Variants in KCNQ3 observed in about 807,000 individuals in gnomAD.
KCNQ3 encodes potassium voltage-gated channel subfamily Q member 3, also known as potassium voltage-gated channel subfamily KQT member 3.
KCNQ3 carries 30 observed loss-of-function variants against 92.5 expected under a neutral mutation model. That is an observed-to-expected ratio of 0.32 (90% CI 0.24 to 0.44). KCNQ3 has a LOEUF of 0.44. Among genes scored for constraint, KCNQ3 ranks in the 20% least tolerant of loss-of-function variants. KCNQ3 has a pLI of 1.00. For synonymous variants in KCNQ3, 450 were observed against 468.8 expected (o/e 0.96, Z 0.52); for missense variants, 913 against 1,140.3 (o/e 0.80, Z 2.87).
chr8:132,318,886 G>A (rs1817816908), intron 1 of KCNQ3, among the ~76,000 whole-genome samples: 1 of 152,214 alleles, frequency 6.6e-6, no homozygotes, highest in African/African-American at 2.4e-5. Flanking sequence ...TGACCTTGGA[G>A]AAGTACCTTG....
In KCNQ3 at chr8:132,403,016, C is replaced by CAAAAAAAAAAAAAAAAAAAAAAAAAAAA. The variant is rs375099145; in HGVS notation, c.386+77130_386+77131insTTTTTTTTTTTTTTTTTTTTTTTTTTTT. 5.3e-4 allele frequency among the ~76,000 whole-genome samples: 36 copies of CAAAAAAAAAAAAAAAAAAAAAAAAAAAA among 67,624 alleles called. 4 individuals are homozygous for CAAAAAAAAAAAAAAAAAAAAAAAAAAAA. The highest frequency in any genetic ancestry group is 6.0e-4 in the Non-Finnish European group (25 of 41,858). 44.4% of individuals were successfully genotyped at this position (67,624 alleles called of 152,430 possible). A position where few individuals can be genotyped will look rare whatever the true frequency, so the allele number is the denominator to read the frequency against. ...CTGGCAACAGGGCGAGGCACCATCA[C>CAAAAAAAAAAAAAAAAAAAAAAAAAAAA]AAAAAAAAAAAAAAAAGTGTCAATA... On this transcript the variant is annotated intron_variant, in intron 1 of 14. Coordinates refer to ENST00000388996, the MANE Select transcript of KCNQ3 (RefSeq NM_004519.4).
intron 1 of KCNQ3, among the ~76,000 whole-genome samples, chr8:132,405,810 G>A (rs2597338): frequency 0.56 from 84,380 of 151,970 alleles, 25,264 homozygotes; most frequent in South Asian, 0.73. Context: ...GCAGGAATGT[G>A]ACATTGCAAC....
At chr8:132,277,074 TAAAA>T (rs928334456) in intron 1 of KCNQ3, among the ~76,000 whole-genome samples, 1 of 148,046 alleles carries the variant, frequency 6.8e-6, no homozygotes, top group Non-Finnish European at 1.5e-5. Context: ...CAATAATTTT[TAAAA>T]AAAAAAAGGA....
chr8:132,219,226 C>A (rs1054550469), intron 1 of KCNQ3, among the ~76,000 whole-genome samples: 6 of 152,166 alleles, frequency 3.9e-5, no homozygotes, highest in African/African-American at 1.2e-4. Flanking sequence ...GATTTTGATT[C>A]AGCAGGTCTC....
intron 9 of KCNQ3, among the ~76,000 whole-genome samples, chr8:132,146,505 T>C (rs1042976017): frequency 4.6e-5 from 7 of 152,166 alleles, no homozygotes; most frequent in Non-Finnish European, 1.0e-4. Context: ...GAGCGTTGTT[T>C]AATAGAAATG....
At chr8:132,207,798 C>T (rs532334918) in intron 1 of KCNQ3, among the ~76,000 whole-genome samples, 2 of 151,818 alleles carry the variant, frequency 1.3e-5, no homozygotes, top group African/African-American at 4.8e-5. Context: ...AGATCTGAGT[C>T]CTGTGATGTT....
chr8:132,379,691 C>T (rs567815835), intron 1 of KCNQ3, among the ~76,000 whole-genome samples: 45 of 152,276 alleles, frequency 3.0e-4, no homozygotes, highest in African/African-American at 9.6e-4. Context: ...TCAAATAGAA[C>T]GTCCTTAATT....
At chr8:132,374,638 T>C (rs1819562397) in intron 1 of KCNQ3, among the ~76,000 whole-genome samples, 1 of 152,220 alleles carries the variant, frequency 6.6e-6, no homozygotes, top group African/African-American at 2.4e-5. Context: ...CTAAGTTTAG[T>C]ACCCAATACT....
chr8:132,185,871 G>A (rs548687928), intron 2 of KCNQ3, among the ~76,000 whole-genome samples: 1 of 152,258 alleles, frequency 6.6e-6, no homozygotes, highest in African/African-American at 2.4e-5. Context: ...TCTCTCTAAT[G>A]TGGAATAGCA....
At chr8:132,377,101 A>C (rs1409967709) in intron 1 of KCNQ3, among the ~76,000 whole-genome samples, 2 of 152,252 alleles carry the variant, frequency 1.3e-5, no homozygotes, top group Non-Finnish European at 2.9e-5. Context: ...GGATGTTTCC[A>C]GAAGAGATTA....
intron 1 of KCNQ3, among the ~76,000 whole-genome samples, chr8:132,445,132 A>T (rs1821641064): frequency 6.6e-6 from 1 of 152,178 alleles, no homozygotes; most frequent in Admixed American, 6.5e-5. Flanking sequence ...AGGCAAAAGG[A>T]CCAACTGGTG....
intron 1 of KCNQ3, among the ~76,000 whole-genome samples, chr8:132,466,219 A>G (rs1822169632): frequency 6.6e-6 from 1 of 152,188 alleles, no homozygotes; most frequent in African/African-American, 2.4e-5. Flanking sequence ...TAACTGAAAA[A>G]TTAATGAGGG....
intron 1 of KCNQ3, among the ~76,000 whole-genome samples, chr8:132,399,275 C>CT (rs1820274676): frequency 6.6e-6 from 1 of 152,162 alleles, no homozygotes; most frequent in Non-Finnish European, 1.5e-5. Context: ...TGAGCCTCAG[C>CT]TTTTGGGGAG....
chr8:132,303,601 G>GGT (rs1327982721), intron 1 of KCNQ3, among the ~76,000 whole-genome samples: 3 of 17,524 alleles, frequency 1.7e-4, no homozygotes, highest in Admixed American at 1.0e-3. Context: ...ATATATATAT[G>GGT]GTGTGTATAT....
intron 1 of KCNQ3, among the ~76,000 whole-genome samples, chr8:132,368,613 A>G (rs1449200326): frequency 1.3e-5 from 2 of 152,148 alleles, no homozygotes; most frequent in Non-Finnish European, 2.9e-5. Context: ...TGATTGTGCC[A>G]CTGCACTCCA....
At chr8:132,191,501 C>T (rs1191004323) in intron 1 of KCNQ3, among the ~76,000 whole-genome samples, 1 of 151,108 alleles carries the variant, frequency 6.6e-6, no homozygotes. Flanking sequence ...CACACACATA[C>T]ATATATATGT....
chr8:132,340,611 G>C (rs768889242), intron 1 of KCNQ3, among the ~76,000 whole-genome samples: 1 of 151,642 alleles, frequency 6.6e-6, no homozygotes, highest in African/African-American at 2.4e-5. Flanking sequence ...GGGCCTATTG[G>C]GGGGTGGTGG....
chr8:132,331,371 C>G (rs1256532601), intron 1 of KCNQ3, among the ~76,000 whole-genome samples: 2 of 152,160 alleles, frequency 1.3e-5, no homozygotes, highest in African/African-American at 2.4e-5. Context: ...GGAGGATCAC[C>G]CTTGAGGGCT....
At chr8:132,239,001 T>A (rs749670604) in intron 1 of KCNQ3, among the ~76,000 whole-genome samples, 6 of 152,258 alleles carry the variant, frequency 3.9e-5, no homozygotes, top group Non-Finnish European at 8.8e-5. Context: ...CATGAAATAC[T>A]TTATGGGCTG....
Sources: allele counts gnomAD v4.1 joint callset (sites outside exome capture counted in the v4.1 genomes callset), GRCh38; gene constraint gnomAD v4.1.1; transcripts MANE v1.5; gene names NCBI Gene and HGNC (gene_info 2026-07-23, HGNC 2026-07-21).